Variants in THTPA observed in about 807,000 individuals in gnomAD.
The protein encoded by THTPA is thiamine-triphosphatase.
THTPA carries 16 observed loss-of-function variants against 16.5 expected under a neutral mutation model. The ratio of observed to expected loss-of-function variants is 0.97; its 90% confidence interval spans 0.66 to 1.47. The LOEUF (loss-of-function observed/expected upper bound fraction) is 1.47, where lower values mean the gene tolerates loss of function less well. Among genes scored for constraint, THTPA ranks in the 40% most tolerant of loss-of-function variants. The probability of loss-of-function intolerance (pLI) is 0.00; values close to 1 mark genes in which losing one functional copy is unlikely to be tolerated. For synonymous variants in THTPA, 110 were observed against 115.5 expected (o/e 0.95, Z 0.30); for missense variants, 281 against 280.9 (o/e 1.00, Z 0.00).
At chr14:23,557,542 AT>A (rs1882557777) in intron 1 of THTPA, among the ~76,000 whole-genome samples, 1 of 152,036 alleles carries the variant, frequency 6.6e-6, no homozygotes. Context: ...GGCCTGGATT[AT>A]TTTTGTAATG....
chr14:23,522,704 G>A, the THTPA span: 3 of 1,536,548 alleles, frequency 2.0e-6, no homozygotes, highest in African/African-American at 4.1e-5. Flanking sequence ...GTTCTTGAGG[G>A]CATCATTGGA....
the THTPA span, among the ~76,000 whole-genome samples, chr14:23,527,286 C>G: frequency 1.3e-5 from 2 of 152,356 alleles, no homozygotes; most frequent in African/African-American, 4.8e-5. Flanking sequence ...ACAGAAGCCT[C>G]TGCCTCATCT....
the THTPA span, chr14:23,523,324 G>A: frequency 6.9e-7 from 1 of 1,454,084 alleles, no homozygotes; most frequent in Non-Finnish European, 9.0e-7. This position sits in a 1 kb window ranked among gnomAD's most constrained non-coding sequence, Gnocchi z 4.1. Flanking sequence ...CAGGTGTGGT[G>A]GCAGGTGGGG....
upstream of THTPA, chr14:23,551,794 C>A (rs987145075): frequency 6.6e-6 from 1 of 152,644 alleles, no homozygotes; most frequent in African/African-American, 2.4e-5. The surrounding 1 kb of genome is among the most constrained non-coding windows in gnomAD (Gnocchi z 5.3). Flanking sequence ...CGGGGCTGCC[C>A]CACTGAGCAG....
the THTPA span, chr14:23,533,615 A>G: frequency 1.1e-5 from 17 of 1,536,796 alleles, no homozygotes; most frequent in Admixed American, 1.8e-4. The surrounding 1 kb of genome is among the most constrained non-coding windows in gnomAD (Gnocchi z 4.8). Context: ...CACACCTTGC[A>G]CTGCCAGGAT....
the THTPA span, chr14:23,531,967 G>A: frequency 3.0e-6 from 1 of 337,638 alleles, no homozygotes; most frequent in Non-Finnish European, 4.9e-6. Flanking sequence ...GTACAGATGG[G>A]GTTTCACCAT....
chr14:23,532,293 T>C, the THTPA span: 1 of 353,854 alleles, frequency 2.8e-6, no homozygotes, highest in Non-Finnish European at 5.0e-6. Context: ...TCTGGTGACA[T>C]GACAAACTGA....
upstream of THTPA, among the ~76,000 whole-genome samples, chr14:23,553,076 T>C (rs1251994788): frequency 6.6e-6 from 1 of 152,108 alleles, no homozygotes; most frequent in Non-Finnish European, 1.5e-5. Context: ...AGGCCCAAGG[T>C]CCAATGGCCA....
At chr14:23,533,727 C>T in the THTPA span, 2 of 1,552,048 alleles carry the variant, frequency 1.3e-6, no homozygotes, top group African/African-American at 1.4e-5. The surrounding 1 kb of genome is among the most constrained non-coding windows in gnomAD (Gnocchi z 4.8). Context: ...GTAGGTTGGC[C>T]AGGTGCTTGT....
chr14:23,534,092 G>A, the THTPA span: 4 of 1,500,136 alleles, frequency 2.7e-6, no homozygotes, highest in Non-Finnish European at 2.7e-6. The surrounding 1 kb of genome is among the most constrained non-coding windows in gnomAD (Gnocchi z 4.5). Context: ...GGGTCACTGG[G>A]GTCTTCGGGG....
At chr14:23,549,353 G>A in the THTPA span, among the ~76,000 whole-genome samples, 5 of 151,826 alleles carry the variant, frequency 3.3e-5, no homozygotes, top group South Asian at 2.1e-4. Context: ...CTCTGAAATC[G>A]TCCATCTTCT....
the THTPA span, among the ~76,000 whole-genome samples, chr14:23,518,419 A>G: frequency 6.6e-6 from 1 of 152,198 alleles, no homozygotes; most frequent in Non-Finnish European, 1.5e-5. The surrounding 1 kb of genome is among the most constrained non-coding windows in gnomAD (Gnocchi z 4.5). Context: ...CAGGGCTGGA[A>G]GGGTGGGATA....
the THTPA span, chr14:23,529,309 G>A: frequency 5.7e-5 from 12 of 211,032 alleles, no homozygotes; most frequent in African/African-American, 2.1e-4. Flanking sequence ...GGCTCAGGGC[G>A]TTTTGTAGGG....
the THTPA span, among the ~76,000 whole-genome samples, chr14:23,512,251 C>G: frequency 6.6e-6 from 1 of 152,080 alleles, no homozygotes; most frequent in Non-Finnish European, 1.5e-5. Flanking sequence ...GAAGGCATCG[C>G]AGATGGCTGT....
In THTPA at chr14:23,559,800, C is replaced by T. The variant is rs375074145; in HGVS notation, c.*960C>T. On this transcript the variant is annotated 3_prime_UTR_variant, in exon 2 of 2. Coordinates refer to ENST00000288014, the MANE Select transcript of THTPA (RefSeq NM_024328.6). The stretch of plus-strand genomic sequence containing the variant: ...TGTTCACCTCAAAGATCTCCTGCAC[C>T]GACTGGTGAAAGTGGTCGTAGGTGA... The T allele has an allele frequency of 2.5e-5, 41 of 1,613,970 alleles. No individual in the cohort carries two copies. Among genetic ancestry groups the T allele is most frequent in the Non-Finnish European group, 3.1e-5 (36 of 1,180,034 alleles).
the THTPA span, chr14:23,522,993 T>C: frequency 7.0e-7 from 1 of 1,423,406 alleles, no homozygotes; most frequent in Non-Finnish European, 9.2e-7. Flanking sequence ...GTCCCATCAT[T>C]CTTCCTGCCA....
At position 23,560,005 on chromosome 14, in the gene THTPA, C is replaced by T. The variant is rs778626342; in HGVS notation, c.*1165C>T. 12 of 1,611,282 alleles carry T rather than the reference C, an allele frequency of 7.4e-6. No homozygotes were observed. The South Asian group carries it at 1.3e-4, about 18-fold the overall frequency. ...GCCACCCCGAGCTGGAACTGTGTTC[C>T]CACTGGGGGCCTGCAGCTGCAGCTG... On this transcript the variant is annotated 3_prime_UTR_variant, in exon 2 of 2. Coordinates refer to ENST00000288014, the MANE Select transcript of THTPA (RefSeq NM_024328.6).
the THTPA span, chr14:23,535,407 A>G: frequency 7.1e-7 from 1 of 1,403,996 alleles, no homozygotes; most frequent in Non-Finnish European, 9.3e-7. This position sits in a 1 kb window ranked among gnomAD's most constrained non-coding sequence, Gnocchi z 4.5. Flanking sequence ...CAGTGCTGTG[A>G]GGCTGCAGGG....
the THTPA span, among the ~76,000 whole-genome samples, chr14:23,518,713 G>A: frequency 6.6e-6 from 1 of 152,186 alleles, no homozygotes; most frequent in Non-Finnish European, 1.5e-5. This position sits in a 1 kb window ranked among gnomAD's most constrained non-coding sequence, Gnocchi z 4.5. Context: ...TTAGGGGTGG[G>A]GGAGGTACTG....
Sources: gnomAD v4.1 joint callset for allele counts (sites outside exome capture counted in the v4.1 genomes callset) on GRCh38, gnomAD v4.1.1 for gene constraint, Gnocchi (gnomAD v3.1) non-coding constraint, MANE v1.5 for transcripts, NCBI Gene and HGNC (gene_info 2026-07-23, HGNC 2026-07-21) for gene names.